Variants in TCF7L2 observed in about 807,000 individuals in gnomAD.
The protein encoded by TCF7L2 is transcription factor 7-like 2.
In TCF7L2, 23 loss-of-function variants were observed where a neutral mutation model predicts 77.9. The ratio of observed to expected loss-of-function variants is 0.30; its 90% confidence interval spans 0.21 to 0.42. The LOEUF is 0.42. Ranked by LOEUF, TCF7L2 falls within the 10% of genes least tolerant of loss-of-function variation. The probability of loss-of-function intolerance (pLI) is 1.00; values close to 1 mark genes in which losing one functional copy is unlikely to be tolerated. For synonymous variants in TCF7L2, 413 were observed against 340.2 expected (o/e 1.21, Z -2.36); for missense variants, 654 against 793.1 (o/e 0.82, Z 2.11).
chr10:112,962,033 G>A (rs1388673371), intron 3 of TCF7L2, among the ~76,000 whole-genome samples: 3 of 152,080 alleles, frequency 2.0e-5, no homozygotes, highest in African/African-American at 7.2e-5. Flanking sequence ...TAGGATTGTT[G>A]GTGTTATTTG....
rs2136055338 is a variant in TCF7L2, at chr10:113,108,892, C to T, written c.553-32292C>T. Among the ~76,000 whole-genome samples the T allele has an allele frequency of 1.3e-5, 2 of 152,286 alleles. 1 individual carries two copies. The highest frequency in any genetic ancestry group is 4.1e-4 in the South Asian group (2 of 4,824). The stretch of plus-strand genomic sequence containing the variant: ...CTTTTTCATTTAATTTTCGTTTTGC[C>T]ATATGGTCTTTCAGAGGCACTCTGA... On this transcript the variant is annotated intron_variant, in intron 5 of 13. Transcript: ENST00000627217.
intron 4 of TCF7L2, among the ~76,000 whole-genome samples, chr10:113,001,473 A>G (rs2044466292): frequency 6.6e-6 from 1 of 151,886 alleles, no homozygotes; most frequent in Non-Finnish European, 1.5e-5. Context: ...TACGGAGCCC[A>G]CATCTCTAAT....
chr10:113,064,759 C>T (rs1049944990), intron 5 of TCF7L2, among the ~76,000 whole-genome samples: 3 of 152,188 alleles, frequency 2.0e-5, no homozygotes, highest in Non-Finnish European at 2.9e-5. Flanking sequence ...TTCTTTTTCT[C>T]CAAATAAGGC....
intron 5 of TCF7L2, among the ~76,000 whole-genome samples, chr10:113,123,349 G>C (rs190364632): frequency 6.6e-6 from 1 of 152,328 alleles, no homozygotes. Flanking sequence ...GGAAGCTCTG[G>C]ATTGATAAAG....
At chr10:113,086,136 C>T (rs143163617) in intron 5 of TCF7L2, among the ~76,000 whole-genome samples, 17 of 152,312 alleles carry the variant, frequency 1.1e-4, no homozygotes, top group Non-Finnish European at 1.5e-4. Context: ...ATGAAACTCA[C>T]GAGGCCTTCA....
At chr10:112,951,633 G>A (rs948555607) in intron 3 of TCF7L2, 26 bp downstream of exon 3, 1 of 923,162 alleles carries the variant, frequency 1.1e-6, no homozygotes, top group African/African-American at 4.3e-5. Context: ...CCCGGCCCCC[G>A]CCCGCTGCCC....
chr10:112,975,590 T>G (rs898210969), intron 4 of TCF7L2, among the ~76,000 whole-genome samples: 1 of 152,188 alleles, frequency 6.6e-6, no homozygotes, highest in Admixed American at 6.5e-5. Flanking sequence ...CAAGGGATTC[T>G]CATACCTCAA....
At chr10:113,056,373 T>C (rs2055381645) in intron 5 of TCF7L2, among the ~76,000 whole-genome samples, 1 of 152,144 alleles carries the variant, frequency 6.6e-6, no homozygotes, top group Admixed American at 6.5e-5. Context: ...AATTTGAATC[T>C]AATTGGAAGT....
At chr10:113,018,624 G>A (rs949489254) in intron 4 of TCF7L2, among the ~76,000 whole-genome samples, 1 of 151,876 alleles carries the variant, frequency 6.6e-6, no homozygotes, top group Non-Finnish European at 1.5e-5. Context: ...CCACTACCAT[G>A]CCTGGGTATT....
At chr10:113,126,111 T>G (rs2065554918) in intron 5 of TCF7L2, 1 of 149,816 alleles carries the variant, frequency 6.7e-6, no homozygotes, top group African/African-American at 2.4e-5. Flanking sequence ...CGGTAGGTTT[T>G]GTTTTTTTTT....
intron 5 of TCF7L2, among the ~76,000 whole-genome samples, chr10:113,045,249 C>T (rs545281371): frequency 3.9e-5 from 6 of 152,248 alleles, no homozygotes; most frequent in Admixed American, 6.5e-5. Context: ...GACTGTAGCG[C>T]TTCCTATGCG....
intron 13 of TCF7L2, chr10:113,161,210 A>G (rs1219451638): frequency 6.7e-6 from 2 of 299,170 alleles, no homozygotes; most frequent in Non-Finnish European, 1.2e-5. Context: ...TGTACGGAGG[A>G]GCTTGGTTAG....
At chr10:113,073,515 A>C (rs2058327939) in intron 5 of TCF7L2, among the ~76,000 whole-genome samples, 1 of 139,270 alleles carries the variant, frequency 7.2e-6, no homozygotes, top group Admixed American at 8.5e-5. Context: ...AAAAAAAAAA[A>C]AAAAAAAAAA....
intron 5 of TCF7L2, among the ~76,000 whole-genome samples, chr10:113,085,557 G>A (rs143028927): frequency 6.6e-6 from 1 of 152,200 alleles, no homozygotes; most frequent in African/African-American, 2.4e-5. Context: ...ATATTACCCA[G>A]CTAGTTGTGG....
chr10:113,077,806 T>G (rs2058862540), intron 5 of TCF7L2, among the ~76,000 whole-genome samples: 1 of 151,292 alleles, frequency 6.6e-6, no homozygotes. Flanking sequence ...TTCAGGCGAT[T>G]CACCTGCCTT....
chr10:113,090,735 G>T (rs1189506781), intron 5 of TCF7L2, among the ~76,000 whole-genome samples: 1 of 152,030 alleles, frequency 6.6e-6, no homozygotes, highest in Admixed American at 6.6e-5. Context: ...TCAGCCTCCC[G>T]AGTAGCTGGA....
At chr10:113,066,907 C>T (rs2057334112) in intron 5 of TCF7L2, among the ~76,000 whole-genome samples, 1 of 152,230 alleles carries the variant, frequency 6.6e-6, no homozygotes, top group Non-Finnish European at 1.5e-5. Flanking sequence ...CTCACCTTAG[C>T]CCATCTCCTC....
At chr10:112,984,272 T>C (rs1479231683) in intron 4 of TCF7L2, among the ~76,000 whole-genome samples, 1 of 152,168 alleles carries the variant, frequency 6.6e-6, no homozygotes, top group Non-Finnish European at 1.5e-5. Flanking sequence ...AGACTTGTGT[T>C]TCAGCAGGCT....
At chr10:113,129,551 T>C (rs990689955) in intron 5 of TCF7L2, 2 of 1,012,568 alleles carry the variant, frequency 2.0e-6, no homozygotes, top group African/African-American at 3.5e-5. Flanking sequence ...TAGTGGACTT[T>C]TTTGTTTTTT....
Sources: allele counts gnomAD v4.1 joint callset (sites outside exome capture counted in the v4.1 genomes callset), GRCh38; gene constraint gnomAD v4.1.1; transcripts MANE v1.5; gene names NCBI Gene and HGNC (gene_info 2026-07-23, HGNC 2026-07-21).